Variants in ZNF608 observed in about 807,000 individuals in gnomAD.
ZNF608 encodes the protein renal carcinoma antigen NY-REN-36.
Under a neutral mutation model 109.0 loss-of-function variants are expected in ZNF608, and 12 were observed. The observed-to-expected ratio is 0.11, with a 90% CI of 0.07 to 0.18. ZNF608 has a LOEUF of 0.18. Among genes scored for constraint, ZNF608 ranks in the 10% least tolerant of loss-of-function variants. The probability of loss-of-function intolerance (pLI) is 1.00; values close to 1 mark genes in which losing one functional copy is unlikely to be tolerated. For missense variants in ZNF608, 1,707 were observed against 1,879.3 expected, an observed-to-expected ratio of 0.91 and a Z score of 1.70; for synonymous variants, 732 against 717.4, an observed-to-expected ratio of 1.02 and a Z score of -0.33.
rs114532366 is a variant in ZNF608 at position 124,654,876 on chromosome 5, G to A, written c.1163-5179C>T. On this transcript the variant is annotated intron_variant, in intron 3 of 9. Coordinates refer to ENST00000513986, the MANE Select transcript of ZNF608 (RefSeq NM_020747.3). The stretch of plus-strand genomic sequence containing the variant: ...CTGAATGACAAGGAGAACTTCCCAG[G>A]TCTGAACTTAAGGCTATTTGTCCTA... Among the ~76,000 whole-genome samples the A allele has an allele frequency of 2.7e-3, 409 of 152,268 alleles. 1 individual carries two copies. Among genetic ancestry groups the A allele is most frequent in the Middle Eastern group, 6.8e-3 (2 of 294 alleles).
intron 3 of ZNF608, among the ~76,000 whole-genome samples, chr5:124,686,145 T>A (rs984273492): frequency 6.6e-6 from 1 of 152,226 alleles, no homozygotes; most frequent in Non-Finnish European, 1.5e-5. Flanking sequence ...GGTAATGCTC[T>A]CCTTCTGAAT....
At chr5:124,742,874 A>G (rs959644798) in intron 2 of ZNF608, among the ~76,000 whole-genome samples, 4 of 152,082 alleles carry the variant, frequency 2.6e-5, no homozygotes, top group Non-Finnish European at 5.9e-5. Context: ...AACTATAGCA[A>G]AAAAAAATCA....
intron 3 of ZNF608, among the ~76,000 whole-genome samples, chr5:124,658,249 G>T (rs1459596557): frequency 1.3e-5 from 2 of 152,272 alleles, no homozygotes; most frequent in East Asian, 3.9e-4. Flanking sequence ...CAAAAGGGAT[G>T]GCCTTCATGC....
intron 9 of ZNF608, 137 bp downstream of exon 9, chr5:124,638,996 G>A (rs1165782370): frequency 5.7e-6 from 5 of 884,642 alleles, no homozygotes; most frequent in Non-Finnish European, 8.8e-6. Context: ...AACTTATATT[G>A]GCATAATAAA....
intron 3 of ZNF608, among the ~76,000 whole-genome samples, chr5:124,670,785 A>G (rs1231460502): frequency 1.3e-5 from 2 of 152,234 alleles, no homozygotes. Context: ...GGTCTTCAGA[A>G]ATAACAATTC....
chr5:124,701,139 C>T lies in ZNF608; in HGVS notation c.1037G>A (p.Arg346Gln), dbSNP rs763410389. The change falls in exon 3 of 10, where the codon CGG becomes CAG. Residue 346 changes from arginine to glutamine, a missense_variant. Physicochemically the swap from Arg to Gln is conservative, Grantham distance 43. Around this residue, in one of 7 missense-constraint regions of ZNF608, gnomAD observed 407 missense variants for 398.7 expected, o/e 1.02. Coordinates refer to ENST00000513986, the MANE Select transcript of ZNF608 (RefSeq NM_020747.3). ...IAAPVEQLLVRTRSVGVNTCE... is the reference protein window; with the variant it reads ...IAAPVEQLLVQTRSVGVNTCE... ...TGTATTGACACCCACAGAACGAGTC[C>T]GAACCAAAAGCTGTTCAACCGGTGC... 2.0e-5 allele frequency: 32 copies of T among 1,613,942 alleles called. No individual in the cohort carries two copies. The highest frequency in any genetic ancestry group is 2.7e-5 in the African/African-American group (2 of 74,874).
intron 3 of ZNF608, among the ~76,000 whole-genome samples, chr5:124,672,893 T>C (rs1751785894): frequency 6.6e-6 from 1 of 152,172 alleles, no homozygotes; most frequent in African/African-American, 2.4e-5. Flanking sequence ...GAAAAAAGTA[T>C]GAGCCCAAGT....
chr5:124,697,236 A>C (rs1242544265), intron 3 of ZNF608, among the ~76,000 whole-genome samples: 11 of 152,054 alleles, frequency 7.2e-5, no homozygotes, highest in African/African-American at 2.4e-4. Context: ...AAAAAAAAAA[A>C]AAAAGCCAAT....
chr5:124,746,835 G>C, upstream of ZNF608: 1 of 960,502 alleles, frequency 1.0e-6, no homozygotes, highest in Non-Finnish European at 1.2e-6. Context: ...GGAGAAGAAA[G>C]GGTGGGATGA....
intron 2 of ZNF608, among the ~76,000 whole-genome samples, chr5:124,729,398 C>T (rs1466037969): frequency 1.3e-5 from 2 of 152,176 alleles, no homozygotes; most frequent in African/African-American, 4.8e-5. Context: ...CCTAACAATG[C>T]CCCTAAACCA....
chr5:124,641,523 G>T, intron 7 of ZNF608, 118 bp from the exon 8 acceptor site: 1 of 1,127,996 alleles, frequency 8.9e-7, no homozygotes, highest in Non-Finnish European at 1.2e-6. Flanking sequence ...TAAATATAAA[G>T]ATACAATTCT....
intron 2 of ZNF608, among the ~76,000 whole-genome samples, chr5:124,740,334 G>T (rs1209246372): frequency 6.6e-6 from 1 of 152,078 alleles, no homozygotes; most frequent in East Asian, 1.9e-4. Context: ...TGATTTGGAC[G>T]CCACCCTTAG....
At chr5:124,703,344 C>A (rs1162916978) in intron 2 of ZNF608, among the ~76,000 whole-genome samples, 1 of 152,098 alleles carries the variant, frequency 6.6e-6, no homozygotes, top group South Asian at 2.1e-4. Flanking sequence ...GGTGAGAACA[C>A]AATGGGGCAA....
intron 5 of ZNF608, 73 bp from the exon 6 acceptor site, chr5:124,644,734 T>A (rs1750421538): frequency 1.5e-6 from 2 of 1,339,304 alleles, no homozygotes; most frequent in Non-Finnish European, 2.0e-6. Flanking sequence ...GAAAACTTGT[T>A]AATAATCATG....
At chr5:124,726,237 C>T (rs1754132880) in intron 2 of ZNF608, among the ~76,000 whole-genome samples, 2 of 152,154 alleles carry the variant, frequency 1.3e-5, no homozygotes. Context: ...CATAGCCCAC[C>T]TCTGGGCCCT....
intron 2 of ZNF608, among the ~76,000 whole-genome samples, chr5:124,731,345 G>C (rs549162593): frequency 5.8e-4 from 88 of 152,172 alleles, no homozygotes; most frequent in Admixed American, 3.7e-3. Context: ...TGAGTAGCTG[G>C]GGTTATAGGT....
intron 3 of ZNF608, among the ~76,000 whole-genome samples, chr5:124,700,681 A>G (rs1393741734): frequency 6.6e-6 from 1 of 152,252 alleles, no homozygotes; most frequent in South Asian, 2.1e-4. Context: ...CACCCTAAGA[A>G]TTAAATAAAC....
chr5:124,715,232 G>T (rs1463533577), intron 2 of ZNF608, among the ~76,000 whole-genome samples: 1 of 151,992 alleles, frequency 6.6e-6, no homozygotes, highest in Non-Finnish European at 1.5e-5. Context: ...ATTTATTCTT[G>T]CACAGTTACC....
chr5:124,644,098 C>T, intron 6 of ZNF608, 146 bp downstream of exon 6: 1 of 724,322 alleles, frequency 1.4e-6, no homozygotes, highest in Non-Finnish European at 2.1e-6. Flanking sequence ...TATATTAAAT[C>T]AGTTTTATCT....
Sources: gnomAD v4.1 joint callset for allele counts (sites outside exome capture counted in the v4.1 genomes callset) on GRCh38, gnomAD v4.1.1 for gene constraint, gnomAD v4.1.1 regional missense constraint, MANE v1.5 for transcripts, NCBI Gene and HGNC (gene_info 2026-07-23, HGNC 2026-07-21) for gene names.